Variants in ADCK1 observed in about 807,000 individuals in gnomAD.
ADCK1 encodes the protein aarF domain-containing protein kinase 1.
ADCK1 carries 41 observed loss-of-function variants against 52.3 expected under a neutral mutation model. That is an observed-to-expected ratio of 0.78 (90% CI 0.61 to 1.02). ADCK1 has a LOEUF of 1.02. Ranked by LOEUF, ADCK1 falls within the 50% of genes least tolerant of loss-of-function variation. The pLI, the probability that ADCK1 is intolerant of heterozygous loss-of-function variation, is 0.00. For missense variants in ADCK1, 658 were observed against 679.5 expected (o/e 0.97, Z 0.35); for synonymous variants, 250 against 274.6 (o/e 0.91, Z 0.89).
intron 7 of ADCK1, among the ~76,000 whole-genome samples, chr14:77,909,259 C>T (rs1200792355): frequency 6.6e-6 from 1 of 151,840 alleles, no homozygotes; most frequent in African/African-American, 2.4e-5. Flanking sequence ...CCTCAGCCTC[C>T]CAAGTAGCTG....
chr14:77,864,997 C>G (rs1474916951), intron 4 of ADCK1, among the ~76,000 whole-genome samples: 3 of 152,084 alleles, frequency 2.0e-5, no homozygotes, highest in Admixed American at 6.6e-5. Flanking sequence ...AACTGTAAAT[C>G]TTGGCTGGGC....
intron 3 of ADCK1, among the ~76,000 whole-genome samples, chr14:77,827,599 A>C (rs2081743674): frequency 6.6e-6 from 1 of 151,184 alleles, no homozygotes. Context: ...TCAGTTTGCC[A>C]CTTAAACATG....
At chr14:77,834,568 T>C (rs1361819604) in intron 3 of ADCK1, among the ~76,000 whole-genome samples, 1 of 152,242 alleles carries the variant, frequency 6.6e-6, no homozygotes, top group African/African-American at 2.4e-5. Context: ...TCTAAAGCAG[T>C]GATCTTTTCC....
intron 6 of ADCK1, chr14:77,900,789 T>A: frequency 3.0e-6 from 1 of 336,248 alleles, no homozygotes; most frequent in Non-Finnish European, 5.9e-6. Flanking sequence ...ATTTGCATTA[T>A]GATCAAACTA....
At chr14:77,852,907 A>ATATATATATATATTTTT (rs1555351700) in intron 3 of ADCK1, among the ~76,000 whole-genome samples, 1 of 28,956 alleles carries the variant, frequency 3.5e-5, no homozygotes, top group Non-Finnish European at 5.5e-5. Context: ...ATATATATAT[A>ATATATATATATATTTTT]TTTTTTTTTT....
chr14:77,890,031 G>C (rs1439107755), intron 5 of ADCK1, among the ~76,000 whole-genome samples: 1 of 152,214 alleles, frequency 6.6e-6, no homozygotes, highest in Non-Finnish European at 1.5e-5. Context: ...AACCAGGATT[G>C]AGCAATGCTG....
intron 5 of ADCK1, among the ~76,000 whole-genome samples, chr14:77,896,899 T>G (rs2083422023): frequency 6.6e-6 from 1 of 152,232 alleles, no homozygotes; most frequent in Non-Finnish European, 1.5e-5. Context: ...GTGCGATGAT[T>G]CTTTTTGGAA....
At chr14:77,813,195 T>C (rs945801366) in intron 1 of ADCK1, among the ~76,000 whole-genome samples, 24 of 151,858 alleles carry the variant, frequency 1.6e-4, no homozygotes, top group Non-Finnish European at 2.6e-4. Context: ...AGAGACTGGG[T>C]TTCTCCGTGT....
At chr14:77,924,970 C>G (rs1051606735) in intron 8 of ADCK1, among the ~76,000 whole-genome samples, 7 of 152,180 alleles carry the variant, frequency 4.6e-5, no homozygotes, top group African/African-American at 1.4e-4. Flanking sequence ...CATGTTTAGG[C>G]CTACTGAGGA....
chr14:77,862,301 CT>C (rs1299503666), intron 4 of ADCK1, among the ~76,000 whole-genome samples: 5 of 152,172 alleles, frequency 3.3e-5, no homozygotes, highest in African/African-American at 1.2e-4. Flanking sequence ...TCGTTCTGGA[CT>C]GGGTCAGGGG....
chr14:77,859,281 TA>T lies in ADCK1; in HGVS notation c.423+3del. The T allele has an allele frequency of 6.2e-7, 1 of 1,611,894 alleles. No individual in the cohort carries two copies. Among genetic ancestry groups the T allele is most frequent in the Admixed American group, 1.7e-5 (1 of 59,868 alleles). On this transcript the variant is annotated splice_donor_region_variant and intron_variant, in intron 4 of 10. Transcript: ENST00000238561. ...ATCCGAGAAGATCTGGGCAAGGAGGTACCCACCTTTGCAGGGGGGATGGGCC... is the reference window on the plus strand; with the variant it reads ...ATCCGAGAAGATCTGGGCAAGGAGGTCCCACCTTTGCAGGGGGGATGGGCC...
At chr14:77,802,786 T>TAA (rs1163418887) in intron 1 of ADCK1, among the ~76,000 whole-genome samples, 1 of 151,550 alleles carries the variant, frequency 6.6e-6, no homozygotes. Flanking sequence ...CCGTCTCTAC[T>TAA]AAAAAAAATA....
chr14:77,844,056 C>T (rs999915512), intron 3 of ADCK1, among the ~76,000 whole-genome samples: 1 of 152,004 alleles, frequency 6.6e-6, no homozygotes, highest in South Asian at 2.1e-4. Flanking sequence ...AATGACTGAT[C>T]ATAATTTCTT....
intron 7 of ADCK1, among the ~76,000 whole-genome samples, chr14:77,909,442 C>T (rs1246145051): frequency 6.6e-6 from 1 of 152,144 alleles, no homozygotes; most frequent in African/African-American, 2.4e-5. Context: ...GCTGTGAATG[C>T]TCTTTTCTAT....
At chr14:77,928,745 C>G (rs921230658) in intron 9 of ADCK1, among the ~76,000 whole-genome samples, 1 of 152,152 alleles carries the variant, frequency 6.6e-6, no homozygotes, top group African/African-American at 2.4e-5. Flanking sequence ...CAGTCATGAG[C>G]CACCGTGCCC....
chr14:77,907,944 T>A (rs1426490338), intron 7 of ADCK1, 25 bp downstream of exon 7: 2 of 1,606,128 alleles, frequency 1.2e-6, no homozygotes, highest in Non-Finnish European at 1.7e-6. Context: ...TCAGGGCTGC[T>A]GTGCCGGGGA....
intron 7 of ADCK1, among the ~76,000 whole-genome samples, chr14:77,909,284 C>T (rs1412214893): frequency 3.3e-5 from 5 of 151,898 alleles, no homozygotes; most frequent in African/African-American, 7.3e-5. Flanking sequence ...TACAGGCATG[C>T]GCTACCATGC....
At chr14:77,893,275 C>A (rs925584467) in intron 5 of ADCK1, among the ~76,000 whole-genome samples, 4 of 152,062 alleles carry the variant, frequency 2.6e-5, no homozygotes, top group Admixed American at 1.3e-4. Flanking sequence ...CGTCTGCTGG[C>A]GGGCTGGCTT....
At chr14:77,917,552 T>C (rs1046511091) in intron 7 of ADCK1, among the ~76,000 whole-genome samples, 1 of 152,254 alleles carries the variant, frequency 6.6e-6, no homozygotes, top group Admixed American at 6.5e-5. Flanking sequence ...AACTCATTGA[T>C]TTAAATATTA....
Sources: gnomAD v4.1 joint callset for allele counts (sites outside exome capture counted in the v4.1 genomes callset) on GRCh38, gnomAD v4.1.1 for gene constraint, MANE v1.5 for transcripts, NCBI Gene and HGNC (gene_info 2026-07-23, HGNC 2026-07-21) for gene names.